Variants in BICC1 observed in about 807,000 individuals in gnomAD.
BICC1 encodes protein bicaudal C homolog 1.
BICC1 carries 43 observed loss-of-function variants against 111.0 expected under a neutral mutation model. The observed-to-expected ratio is 0.39, with a 90% CI of 0.30 to 0.50. The LOEUF (loss-of-function observed/expected upper bound fraction) is 0.50, where lower values mean the gene tolerates loss of function less well. Among genes scored for constraint, BICC1 ranks in the 20% least tolerant of loss-of-function variants. The pLI is 0.88. For synonymous variants in BICC1, 467 were observed against 434.4 expected (o/e 1.07, Z -0.93); for missense variants, 1,091 against 1,203.2 (o/e 0.91, Z 1.38).
chr10:58,659,642 G>T lies in BICC1; in HGVS notation c.237+38741G>T, dbSNP rs529578654. On this transcript the variant is annotated intron_variant, in intron 2 of 20. Transcript: ENST00000373886. ...TATTACCTGGGTGGTGAACTTACTG[G>T]TACACGGAACGCGCATGACACACAG... Among the ~76,000 whole-genome samples, 307 of 152,114 alleles carry T rather than the reference G, an allele frequency of 2.0e-3. 2 individuals are homozygous for T. The highest frequency in any genetic ancestry group is 9.6e-3 in the South Asian group (46 of 4,808).
At chr10:58,683,023 A>G (rs1008553216) in intron 2 of BICC1, among the ~76,000 whole-genome samples, 5 of 152,194 alleles carry the variant, frequency 3.3e-5, no homozygotes, top group African/African-American at 4.8e-5. Flanking sequence ...TAGGTCTAAC[A>G]ATTAAGTCTT....
Position 58,807,096 on chromosome 10 carries a change from A to G in BICC1, c.2314A>G (p.Ile772Val), listed in dbSNP as rs751607991. The change falls in exon 17 of 21, where the codon ATC becomes GTC. Residue 772 changes from isoleucine to valine, a missense_variant. Around this residue, in one of 3 missense-constraint regions of BICC1, gnomAD observed 231 missense variants for 256.2 expected, o/e 0.90. Transcript: ENST00000373886. ...TTCTAAATCCATGCCAGCTGAAACT[A>G]TCAAGGAGTTGAGAAGGGCCAATCA... ...GFSKSMPAETIKELRRANHVS... is the reference protein window; with the variant it reads ...GFSKSMPAETVKELRRANHVS... 11 of 1,613,872 alleles carry G rather than the reference A, an allele frequency of 6.8e-6. No individual in the cohort carries two copies. The highest frequency in any genetic ancestry group is 2.2e-5 in the East Asian group (1 of 44,872).
chr10:58,710,495 C>G (rs1326864839), intron 3 of BICC1, among the ~76,000 whole-genome samples: 3 of 152,166 alleles, frequency 2.0e-5, no homozygotes, highest in African/African-American at 4.8e-5. Context: ...GACAACACCT[C>G]TTTTTTCAGG....
At chr10:58,750,815 G>A (rs1297315424) in intron 3 of BICC1, among the ~76,000 whole-genome samples, 4 of 152,018 alleles carry the variant, frequency 2.6e-5, no homozygotes, top group South Asian at 2.1e-4. Context: ...TCCAGAAATC[G>A]GAAACCTGCT....
intron 1 of BICC1, among the ~76,000 whole-genome samples, chr10:58,571,423 A>G (rs902377178): frequency 6.6e-6 from 1 of 152,080 alleles, no homozygotes; most frequent in Non-Finnish European, 1.5e-5. Context: ...TGCTGCCCAC[A>G]TTGTCCCATC....
rs529658554 is a variant in BICC1, at chr10:58,649,849, A to G, written c.237+28948A>G. On this transcript the variant is annotated intron_variant, in intron 2 of 20. Coordinates refer to ENST00000373886, the MANE Select transcript of BICC1 (RefSeq NM_001080512.3). ...TAAGGCACAGAAAGGTTTGTTACCT[A>G]GGATTTGGATTCAGGGGGTCTGGCT... Among the ~76,000 whole-genome samples, 9 of 21,354 alleles carry G rather than the reference A, an allele frequency of 4.2e-4. No homozygotes were observed. The South Asian group carries it at 0.046, about 110-fold the overall frequency. The allele number at this position is 21,354 out of a possible 152,430, so 14.0% of individuals were successfully genotyped here. A position where few individuals can be genotyped will look rare whatever the true frequency, so the allele number is the denominator to read the frequency against.
At chr10:58,527,204 T>C (rs36147985) in intron 1 of BICC1, among the ~76,000 whole-genome samples, 69,832 of 151,786 alleles carry the variant, frequency 0.46, 17,096 homozygotes, top group Admixed American at 0.62. Flanking sequence ...TTTCATGTGT[T>C]TTTTGGCTGC....
intron 1 of BICC1, among the ~76,000 whole-genome samples, chr10:58,616,988 A>C (rs1845632836): frequency 6.6e-6 from 1 of 152,248 alleles, no homozygotes; most frequent in Non-Finnish European, 1.5e-5. Context: ...CAGCAGGCAC[A>C]AGCCCTACGG....
chr10:58,828,620 TA>T lies in BICC1; in HGVS notation c.2795-137del, dbSNP rs2133005622. On this transcript the variant is annotated intron_variant, in intron 20 of 20. Coordinates refer to ENST00000373886, the MANE Select transcript of BICC1 (RefSeq NM_001080512.3). ...TTTCAGAAATGCCTTGACCATCAAC[TA>T]AAAGTTTTCCTTTTGATACCAGACT... 4 of 771,586 alleles carry T rather than the reference TA, an allele frequency of 5.2e-6. No homozygotes were observed. In the East Asian group the frequency reaches 8.4e-5, roughly 16 times the overall value. The allele number at this position is 771,586 out of a possible 1,614,324, so 47.8% of individuals were successfully genotyped here.
intron 8 of BICC1, among the ~76,000 whole-genome samples, chr10:58,791,914 C>T (rs1695751473): frequency 6.6e-6 from 1 of 152,094 alleles, no homozygotes; most frequent in South Asian, 2.1e-4. Context: ...GCCTCAGCCT[C>T]CCGAGTAGCT....
intron 3 of BICC1, among the ~76,000 whole-genome samples, chr10:58,752,022 T>C (rs1842004138): frequency 6.6e-6 from 1 of 152,218 alleles, no homozygotes; most frequent in South Asian, 2.1e-4. Flanking sequence ...TGATTTCACA[T>C]GAGCTATTGA....
chr10:58,774,028 T>G (rs928879605), intron 3 of BICC1, among the ~76,000 whole-genome samples: 15 of 152,196 alleles, frequency 9.9e-5, no homozygotes, highest in South Asian at 4.1e-4. Context: ...CATAAATGTT[T>G]GAAAGAATTC....
intron 1 of BICC1, among the ~76,000 whole-genome samples, chr10:58,570,156 A>G (rs758876767): frequency 3.9e-5 from 6 of 152,252 alleles, no homozygotes; most frequent in African/African-American, 4.8e-5. Context: ...TAAGCAGTAC[A>G]TAAGCAAACA....
chr10:58,797,482 C>T (rs957756480), intron 10 of BICC1, among the ~76,000 whole-genome samples: 3 of 151,906 alleles, frequency 2.0e-5, no homozygotes, highest in Non-Finnish European at 1.5e-5. Flanking sequence ...TTTTTTGTAT[C>T]TTGGCCCCTA....
intron 1 of BICC1, among the ~76,000 whole-genome samples, chr10:58,556,392 C>T (rs1843450371): frequency 6.6e-6 from 1 of 151,802 alleles, no homozygotes; most frequent in Non-Finnish European, 1.5e-5. Context: ...GCCATAAATC[C>T]CCTTAGCATC....
chr10:58,656,733 C>G (rs989814157), intron 2 of BICC1, among the ~76,000 whole-genome samples: 1 of 152,120 alleles, frequency 6.6e-6, no homozygotes, highest in Non-Finnish European at 1.5e-5. Flanking sequence ...CTAATAAGTT[C>G]AGTTCTAAAA....
chr10:58,656,620 G>T (rs1015583425), intron 2 of BICC1, among the ~76,000 whole-genome samples: 2 of 151,954 alleles, frequency 1.3e-5, no homozygotes, highest in Non-Finnish European at 2.9e-5. Flanking sequence ...CTCAATAGAT[G>T]CAGAAAAAGC....
chr10:58,548,522 G>A (rs1843200679), intron 1 of BICC1, among the ~76,000 whole-genome samples: 1 of 152,084 alleles, frequency 6.6e-6, no homozygotes, highest in Admixed American at 6.5e-5. Flanking sequence ...ATACATTAAG[G>A]TTAGCTCTGT....
chr10:58,790,361 C>T (rs921301799), intron 8 of BICC1, among the ~76,000 whole-genome samples: 21 of 151,922 alleles, frequency 1.4e-4, no homozygotes, highest in South Asian at 4.2e-4. Context: ...TTTTGTCAGC[C>T]CAAAACATTT....
Sources: gnomAD v4.1 joint callset for allele counts (sites outside exome capture counted in the v4.1 genomes callset) on GRCh38, gnomAD v4.1.1 for gene constraint, gnomAD v4.1.1 regional missense constraint, MANE v1.5 for transcripts, NCBI Gene and HGNC (gene_info 2026-07-23, HGNC 2026-07-21) for gene names.